HPSE2: variants seen among roughly 807,000 people sequenced by gnomAD.
The protein encoded by HPSE2 is heparanase 2 (inactive).
In HPSE2, 38 loss-of-function variants were observed where a neutral mutation model predicts 60.5. That is an observed-to-expected ratio of 0.63 (90% confidence interval 0.48 to 0.82). The LOEUF is 0.82. Ranked by LOEUF, HPSE2 falls within the 40% of genes least tolerant of loss-of-function variation. HPSE2 has a pLI of 0.00. For missense variants in HPSE2, 713 were observed against 740.4 expected, an observed-to-expected ratio of 0.96 and a Z score of 0.43; for synonymous variants, 295 against 293.2, an observed-to-expected ratio of 1.01 and a Z score of -0.06.
intron 3 of HPSE2, among the ~76,000 whole-genome samples, chr10:99,120,128 A>T (rs548361884): frequency 2.0e-5 from 3 of 152,350 alleles, no homozygotes. Context: ...TTTGCACCAC[A>T]GAAGAAACTA....
intron 9 of HPSE2, among the ~76,000 whole-genome samples, chr10:98,571,941 T>TTTCTTTC (rs1211779493): frequency 1.0e-3 from 5 of 4,918 alleles, no homozygotes; most frequent in Non-Finnish European, 1.7e-3. Context: ...ATTCCTTTTC[T>TTTCTTTC]TTTTTTTTTT....
intron 3 of HPSE2, among the ~76,000 whole-genome samples, chr10:98,895,434 TTC>T (rs777113008): frequency 1.8e-4 from 28 of 152,104 alleles, no homozygotes; most frequent in Non-Finnish European, 3.7e-4. Context: ...CAGAATCCAA[TTC>T]TGTGTGTATT....
intron 3 of HPSE2, among the ~76,000 whole-genome samples, chr10:99,004,185 T>C (rs1564729565): frequency 6.6e-6 from 1 of 152,104 alleles, no homozygotes; most frequent in Admixed American, 6.5e-5. Context: ...CCCAGCTTTT[T>C]TTTAATCCAT....
rs147898583 is a variant in HPSE2 at position 98,840,263 on chromosome 10, T to A, written c.611-96207A>T. Reference sequence around the variant, plus strand: ...ATATGGTAGATAAAGGAGAAGAGTATGAAAAATTGTTGGAAATAGGCAGGG... The same window carrying A: ...ATATGGTAGATAAAGGAGAAGAGTAAGAAAAATTGTTGGAAATAGGCAGGG... On this transcript the variant is annotated intron_variant, in intron 3 of 11. Coordinates refer to ENST00000370552, the MANE Select transcript of HPSE2 (RefSeq NM_021828.5). 4.8e-3 allele frequency among the ~76,000 whole-genome samples: 734 copies of A among 152,272 alleles called. 7 individuals are homozygous for A. The highest frequency in any genetic ancestry group is 7.0e-3 in the Non-Finnish European group (478 of 68,016).
intron 3 of HPSE2, among the ~76,000 whole-genome samples, chr10:99,001,956 C>T (rs1197372733): frequency 6.6e-6 from 1 of 151,998 alleles, no homozygotes; most frequent in Non-Finnish European, 1.5e-5. Context: ...ATTAACTCTG[C>T]CACTGTAGTG....
At chr10:98,845,928 A>G (rs539599313) in intron 3 of HPSE2, among the ~76,000 whole-genome samples, 1 of 152,268 alleles carries the variant, frequency 6.6e-6, no homozygotes, top group East Asian at 1.9e-4. Flanking sequence ...GTGTCTCCCA[A>G]CCAATAGGAA....
At position 99,026,240 on chromosome 10, in the gene HPSE2, C is replaced by G. The variant is rs569145064; in HGVS notation, c.610+117998G>C. Among the ~76,000 whole-genome samples, 4 of 152,062 alleles carry G rather than the reference C, an allele frequency of 2.6e-5. No individual in the cohort carries two copies. The East Asian group carries it at 7.7e-4, about 29-fold the overall frequency. On this transcript the variant is annotated intron_variant, in intron 3 of 11. Coordinates refer to ENST00000370552, the MANE Select transcript of HPSE2 (RefSeq NM_021828.5). ...TGCTGCCTACAAGAAACACACCTCACCTATGAACACACAAATTGACTAAAA... is the reference window on the plus strand; with the variant it reads ...TGCTGCCTACAAGAAACACACCTCAGCTATGAACACACAAATTGACTAAAA...
chr10:98,875,622 T>C (rs189459576), intron 3 of HPSE2, among the ~76,000 whole-genome samples: 12 of 152,020 alleles, frequency 7.9e-5, no homozygotes, highest in Admixed American at 1.3e-4. Context: ...GGTACCCTTC[T>C]TTCTGAAACT....
At chr10:98,945,931 A>T (rs1263497150) in intron 3 of HPSE2, among the ~76,000 whole-genome samples, 3 of 152,106 alleles carry the variant, frequency 2.0e-5, no homozygotes, top group Non-Finnish European at 4.4e-5. Context: ...TGATCCTTGA[A>T]CCACACAAGT....
intron 3 of HPSE2, among the ~76,000 whole-genome samples, chr10:98,896,501 T>C (rs373955692): frequency 7.9e-5 from 12 of 152,204 alleles, no homozygotes; most frequent in African/African-American, 2.6e-4. Flanking sequence ...AAACATGGTT[T>C]AAGAGAAATT....
At chr10:99,132,218 AGAGAGAGAGAG>A (rs1845455317) in intron 3 of HPSE2, among the ~76,000 whole-genome samples, 2 of 36,994 alleles carry the variant, frequency 5.4e-5, no homozygotes, top group African/African-American at 9.5e-5. Context: ...AGAGAGAGAG[AGAGAGAGAGAG>A]AGAGAGAGAG....
intron 2 of HPSE2, among the ~76,000 whole-genome samples, chr10:99,161,082 G>A (rs755123249): frequency 8.6e-5 from 13 of 151,718 alleles, no homozygotes; most frequent in South Asian, 2.1e-4. Flanking sequence ...TTAGCCAGAC[G>A]TGGTGGCATG....
chr10:99,232,144 C>T (rs1286252028), intron 2 of HPSE2, among the ~76,000 whole-genome samples: 1 of 151,790 alleles, frequency 6.6e-6, no homozygotes, highest in Non-Finnish European at 1.5e-5. Context: ...TCATCTGAAG[C>T]TTCCAACTTT....
At chr10:99,181,739 G>T (rs1847786951) in intron 2 of HPSE2, among the ~76,000 whole-genome samples, 1 of 152,204 alleles carries the variant, frequency 6.6e-6, no homozygotes, top group Non-Finnish European at 1.5e-5. Context: ...GGGGTGGGGA[G>T]CTAGGAGAGG....
At chr10:98,556,917 G>C (rs1944024352) in intron 9 of HPSE2, among the ~76,000 whole-genome samples, 1 of 152,070 alleles carries the variant, frequency 6.6e-6, no homozygotes, top group Non-Finnish European at 1.5e-5. Context: ...TTATTATAAA[G>C]CTATAGTAAT....
At chr10:99,085,957 C>T (rs1409273939) in intron 3 of HPSE2, among the ~76,000 whole-genome samples, 2 of 152,154 alleles carry the variant, frequency 1.3e-5, no homozygotes, top group Non-Finnish European at 2.9e-5. Context: ...TTCTTATTGC[C>T]CTGCCCATAC....
intron 9 of HPSE2, among the ~76,000 whole-genome samples, chr10:98,527,360 C>T (rs1468602680): frequency 6.6e-6 from 1 of 152,212 alleles, no homozygotes; most frequent in African/African-American, 2.4e-5. Context: ...TCCGCACACT[C>T]TGCATGATCT....
intron 9 of HPSE2, among the ~76,000 whole-genome samples, chr10:98,562,430 T>A (rs1225494457): frequency 6.6e-6 from 1 of 152,148 alleles, no homozygotes; most frequent in African/African-American, 2.4e-5. Flanking sequence ...TAAAATCTGC[T>A]GGTTGGCCGG....
At chr10:99,206,064 T>C (rs10786519) in intron 2 of HPSE2, among the ~76,000 whole-genome samples, 75,058 of 152,094 alleles carry the variant, frequency 0.49, 21,713 homozygotes, top group Non-Finnish European at 0.64. Context: ...AAAAGTTCAA[T>C]TGCTTGATAC....
Sources: allele counts gnomAD v4.1 joint callset (sites outside exome capture counted in the v4.1 genomes callset), GRCh38; gene constraint gnomAD v4.1.1; transcripts MANE v1.5; gene names NCBI Gene and HGNC (gene_info 2026-07-23, HGNC 2026-07-21).